The following PCDHGA11 variants were observed in gnomAD, a reference collection of about 807,000 sequenced individuals.
The protein encoded by PCDHGA11 is protocadherin gamma-A11.
Under a neutral mutation model 60.4 loss-of-function variants are expected in PCDHGA11, and 39 were observed. That is an observed-to-expected ratio of 0.65 (90% CI 0.50 to 0.84). The LOEUF is 0.84. Among genes scored for constraint, PCDHGA11 ranks in the 40% least tolerant of loss-of-function variants. The pLI, the probability that PCDHGA11 is intolerant of heterozygous loss-of-function variation, is 0.00. For synonymous variants in PCDHGA11, 533 were observed against 510.3 expected (o/e 1.04, Z -0.60); for missense variants, 1,165 against 1,197.7 (o/e 0.97, Z 0.40).
chr5:141,425,555 A>C (rs1282440598), intron 1 of PCDHGA11, among the ~76,000 whole-genome samples: 2 of 152,388 alleles, frequency 1.3e-5, no homozygotes, highest in Middle Eastern at 6.8e-3. Context: ...AACCTCTTTT[A>C]TAAGTGATAA....
At chr5:141,424,300 AAC>A (rs1370166165) in intron 1 of PCDHGA11, 2 of 152,504 alleles carry the variant, frequency 1.3e-5, no homozygotes, top group Non-Finnish European at 2.9e-5. Context: ...TCATCCTATC[AAC>A]ACAGACATAT....
Position 141,511,165 on chromosome 5 carries a change from A to G in PCDHGA11, c.2800A>G (p.Lys934Glu). 1 of 1,614,096 alleles carries G rather than the reference A, an allele frequency of 6.2e-7. No homozygotes were observed. Among genetic ancestry groups the G allele is most frequent in the East Asian group, 2.2e-5 (1 of 44,870 alleles). ...CAAGAAGAAGTCGGGCAAGAAGGAGAAGAAGTAACATGGAGGCCAGGCCAA... is the reference window on the plus strand; with the variant it reads ...CAAGAAGAAGTCGGGCAAGAAGGAGGAGAAGTAACATGGAGGCCAGGCCAA... ...GNKKKSGKKE[K>E]K Residue 934 changes from lysine (K) to glutamate (E), a missense_variant, in exon 4 of 4, where the codon AAG (lysine) becomes GAG (glutamate). Physicochemically the swap from Lys to Glu is moderately conservative, Grantham distance 56. Transcript: ENST00000398587.
At chr5:141,492,009 G>C in intron 1 of PCDHGA11, 1 of 617,702 alleles carries the variant, frequency 1.6e-6, no homozygotes, top group Non-Finnish European at 2.7e-6. Flanking sequence ...GATTTCCGCG[G>C]GTGTCGGGGG....
chr5:141,442,534 GA>G (rs1156284172), intron 1 of PCDHGA11: 1 of 152,222 alleles, frequency 6.6e-6, no homozygotes, highest in Non-Finnish European at 1.5e-5. Context: ...TCTCCAAGGT[GA>G]AAAATTCTTG....
chr5:141,486,714 C>G lies in PCDHGA11; in HGVS notation c.2434-8093C>G. On this transcript the variant is annotated intron_variant, in intron 1 of 3. Transcript: ENST00000398587. This position sits in a 1 kb window ranked among gnomAD's most constrained non-coding sequence, Gnocchi z 5.0. ...TCTTTCATCTCTCTGAACCCCCAGA[C>G]AGGAGCTGTTCATGCTACTCGATCC... 1.2e-6 allele frequency: 2 copies of G among 1,614,216 alleles called. No individual in the cohort carries two copies. Among genetic ancestry groups the G allele is most frequent in the African/African-American group, 1.3e-5 (1 of 75,062 alleles).
chr5:141,501,412 T>C (rs1479005426), intron 2 of PCDHGA11, among the ~76,000 whole-genome samples: 7 of 151,550 alleles, frequency 4.6e-5, no homozygotes, highest in African/African-American at 1.7e-4. Context: ...GCTTGGAAAA[T>C]AGTTGACTAA....
rs766010601 is a variant in PCDHGA11 at position 141,422,968 on chromosome 5, C to A, written c.1741C>A (p.Arg581Ser). Residue 581 changes from arginine to serine, a missense_variant, in exon 1 of 4, where the codon CGC becomes AGC. Coordinates refer to ENST00000398587, the MANE Select transcript of PCDHGA11 (RefSeq NM_018914.3). ...CTCCACTGGCGTGGAGCTGGCGCCC[C>A]GCTCTGCGGAACCTGGCTACCTGGT... ...DGSTGVELAP[R>S]SAEPGYLVTK... 1 of 1,614,240 alleles carries A rather than the reference C, an allele frequency of 6.2e-7. No individual in the cohort carries two copies. Among genetic ancestry groups the A allele is most frequent in the Non-Finnish European group, 8.5e-7 (1 of 1,180,038 alleles).
At chr5:141,480,298 C>T (rs1238380283) in intron 1 of PCDHGA11, among the ~76,000 whole-genome samples, 1 of 132,676 alleles carries the variant, frequency 7.5e-6, no homozygotes, top group Non-Finnish European at 1.6e-5. Flanking sequence ...ACCTGTGGTA[C>T]CAGCTACTTG....
intron 1 of PCDHGA11, among the ~76,000 whole-genome samples, chr5:141,483,631 T>C (rs973545851): frequency 2.7e-5 from 4 of 149,022 alleles, no homozygotes; most frequent in African/African-American, 1.0e-4. Flanking sequence ...TGGGAGAAGG[T>C]ATAGAGGGGT....
rs1562157859 is a variant in PCDHGA11 at position 141,493,022 on chromosome 5, G to GTGCC, written c.2434-1784_2434-1781dup. Among the ~76,000 whole-genome samples, 2 of 152,222 alleles carry GTGCC rather than the reference G, an allele frequency of 1.3e-5. No homozygotes were observed. Among genetic ancestry groups the GTGCC allele is most frequent in the African/African-American group, 4.8e-5 (2 of 41,454 alleles). ...GCTATAGGCTCTGCCAGATGCCAGG[G>GTGCC]TGCCCTTATGTGTGAGGAAACTACA... On this transcript the variant is annotated intron_variant, in intron 1 of 3. Coordinates refer to ENST00000398587, the MANE Select transcript of PCDHGA11 (RefSeq NM_018914.3). The surrounding 1 kb of genome is among the most constrained non-coding windows in gnomAD (Gnocchi z 4.3).
chr5:141,456,800 TA>T (rs1038857337), intron 1 of PCDHGA11, among the ~76,000 whole-genome samples: 2 of 151,846 alleles, frequency 1.3e-5, no homozygotes, highest in African/African-American at 4.8e-5. Flanking sequence ...CCATCTCTAC[TA>T]AAAATACAAA....
Position 141,432,804 on chromosome 5 carries a change from C to T in PCDHGA11, c.2433+9144C>T, listed in dbSNP as rs1482036720. The T allele has an allele frequency of 1.2e-6, 2 of 1,614,182 alleles. No individual in the cohort carries two copies. Among genetic ancestry groups the T allele is most frequent in the Non-Finnish European group, 1.7e-6 (2 of 1,180,008 alleles). ...GACCTCGGCAGCCTCGAGTCTCCAG[C>T]TAACTCTGAAACCTCAGACCTCACT... is the stretch of plus-strand genomic sequence containing the variant. On this transcript the variant is annotated intron_variant, in intron 1 of 3. Transcript: ENST00000398587. This position sits in a 1 kb window ranked among gnomAD's most constrained non-coding sequence, Gnocchi z 6.0.
intron 1 of PCDHGA11, among the ~76,000 whole-genome samples, chr5:141,482,326 G>T (rs982211258): frequency 6.6e-6 from 1 of 152,072 alleles, no homozygotes. Context: ...AAAATAAAGA[G>T]AATATCTACT....
In PCDHGA11 at chr5:141,511,161, G is replaced by A; in HGVS notation, c.2796G>A (p.Lys932=). 1 of 1,614,176 alleles carries A rather than the reference G, an allele frequency of 6.2e-7. No individual in the cohort carries two copies. The highest frequency in any genetic ancestry group is 8.5e-7 in the Non-Finnish European group (1 of 1,180,010). ...GNGNKKKSGK[K]EKK ...GCAACAAGAAGAAGTCGGGCAAGAA[G>A]GAGAAGAAGTAACATGGAGGCCAGG... Residue 932 remains lysine, a synonymous_variant, in exon 4 of 4, where the codon AAG becomes AAA. Transcript: ENST00000398587.
rs2099415271 is a variant in PCDHGA11, at chr5:141,477,659, G to A, written c.2434-17148G>A. 6.2e-7 allele frequency: 1 copy of A among 1,614,194 alleles called. No individual in the cohort carries two copies. The highest frequency in any genetic ancestry group is 1.3e-5 in the African/African-American group (1 of 75,046). ...GGGTCGCTATTTCACAATAAATCGT[G>A]ACAATGGCATAGTGTCATCCTTAGT... On this transcript the variant is annotated intron_variant, in intron 1 of 3. Transcript: ENST00000398587. The surrounding 1 kb of genome is among the most constrained non-coding windows in gnomAD (Gnocchi z 4.9).
In PCDHGA11 at chr5:141,493,668, GC is replaced by G. The variant is rs1178535601; in HGVS notation, c.2434-1135del. On this transcript the variant is annotated intron_variant, in intron 1 of 3. Coordinates refer to ENST00000398587, the MANE Select transcript of PCDHGA11 (RefSeq NM_018914.3). This position sits in a 1 kb window ranked among gnomAD's most constrained non-coding sequence, Gnocchi z 4.3. ...CATCCCTGTGCCCTTCTCCATGGCAGCCCCAGAATGGTGCTGGTGACTCCCG... is the reference window on the plus strand; with the variant it reads ...CATCCCTGTGCCCTTCTCCATGGCAGCCCAGAATGGTGCTGGTGACTCCCG... Among the ~76,000 whole-genome samples the G allele has an allele frequency of 6.6e-6, 1 of 152,140 alleles. No individual in the cohort carries two copies. The highest frequency in any genetic ancestry group is 2.4e-5 in the African/African-American group (1 of 41,422).
intron 1 of PCDHGA11, among the ~76,000 whole-genome samples, chr5:141,450,038 A>G (rs2098666630): frequency 8.1e-6 from 1 of 124,190 alleles, no homozygotes; most frequent in African/African-American, 3.3e-5. Context: ...ACAGGGTCTC[A>G]CTCTTTCGCC....
chr5:141,491,407 G>A lies in PCDHGA11; in HGVS notation c.2434-3400G>A. ...GAAGTGCCTTCAGGGAAACGCAGAC[G>A]GGGACGGGGGTGGAGGGCAGTGCTG... is the stretch of plus-strand genomic sequence containing the variant. On this transcript the variant is annotated intron_variant, in intron 1 of 3. Transcript: ENST00000398587. The surrounding 1 kb of genome is among the most constrained non-coding windows in gnomAD (Gnocchi z 6.9). The A allele has an allele frequency of 6.2e-7, 1 of 1,614,116 alleles. No individual in the cohort carries two copies. The highest frequency in any genetic ancestry group is 8.5e-7 in the Non-Finnish European group (1 of 1,180,000).
rs1000935525 is a variant in PCDHGA11 at position 141,512,962 on chromosome 5, G to A, written c.*1789G>A. The A allele has an allele frequency of 1.3e-5, 2 of 152,030 alleles. No individual in the cohort carries two copies. The highest frequency in any genetic ancestry group is 4.8e-5 in the African/African-American group (2 of 41,366). The allele number at this position is 152,030 out of a possible 1,614,324, so 9.4% of individuals were successfully genotyped here. ...TTCTTCGACAAAAAAATAATAAAACGTTTCTTCTGAAAAGCTGAACGTTTC... is the reference window on the plus strand; with the variant it reads ...TTCTTCGACAAAAAAATAATAAAACATTTCTTCTGAAAAGCTGAACGTTTC... On this transcript the variant is annotated 3_prime_UTR_variant, in exon 4 of 4. Transcript: ENST00000398587.
Sources: allele counts gnomAD v4.1 joint callset (sites outside exome capture counted in the v4.1 genomes callset), GRCh38; gene constraint gnomAD v4.1.1; non-coding constraint Gnocchi (gnomAD v3.1); transcripts MANE v1.5; gene names NCBI Gene and HGNC (gene_info 2026-07-23, HGNC 2026-07-21).